Variants in SH2D4B observed in about 807,000 individuals in gnomAD.
SH2D4B encodes the protein SH2 domain-containing protein 4B.
A neutral mutation model predicts 61.5 loss-of-function variants in SH2D4B; 45 were observed. That is an observed-to-expected ratio of 0.73 (90% CI 0.58 to 0.94). The LOEUF is 0.94. Ranked by LOEUF, SH2D4B falls within the 40% of genes least tolerant of loss-of-function variation. The probability of loss-of-function intolerance (pLI) is 0.00; values close to 1 mark genes in which losing one functional copy is unlikely to be tolerated. For missense variants in SH2D4B, 572 were observed against 574.2 expected (o/e 1.00, Z 0.04); for synonymous variants, 224 against 220.4 (o/e 1.02, Z -0.14).
chr10:80,555,157 G>A (rs552428714), intron 1 of SH2D4B, among the ~76,000 whole-genome samples: 1 of 152,240 alleles, frequency 6.6e-6, no homozygotes, highest in Non-Finnish European at 1.5e-5. Context: ...TGTGTGCAGT[G>A]TGCTTCCGCT....
intron 3 of SH2D4B, among the ~76,000 whole-genome samples, chr10:80,579,288 G>A (rs61105864): frequency 0.057 from 8,622 of 152,180 alleles, 612 homozygotes; most frequent in East Asian, 0.32. Context: ...TTTATATTGG[G>A]TTACAGAGGG....
chr10:80,637,282 G>A (rs1840199201), intron 7 of SH2D4B, among the ~76,000 whole-genome samples: 2 of 152,096 alleles, frequency 1.3e-5, no homozygotes, highest in Admixed American at 1.3e-4. Flanking sequence ...CTCTTTTTTG[G>A]TTCCATATGA....
At chr10:80,546,770 G>A (rs572879721) in intron 1 of SH2D4B, among the ~76,000 whole-genome samples, 5 of 150,958 alleles carry the variant, frequency 3.3e-5, no homozygotes, top group East Asian at 2.0e-4. Context: ...CTCATGATCC[G>A]TCCGCCTCGG....
chr10:80,556,275 A>G (rs912149028), intron 1 of SH2D4B, among the ~76,000 whole-genome samples: 2 of 152,130 alleles, frequency 1.3e-5, no homozygotes, highest in Non-Finnish European at 2.9e-5. Context: ...TCTCCATACT[A>G]TTTCATTGAT....
At chr10:80,548,548 T>G (rs933300730) in intron 1 of SH2D4B, among the ~76,000 whole-genome samples, 2 of 152,202 alleles carry the variant, frequency 1.3e-5, no homozygotes, top group African/African-American at 2.4e-5. Flanking sequence ...CTCAATTTCA[T>G]CCTGATTCCA....
rs529294648 is a variant in SH2D4B, at chr10:80,587,142, T to G, written c.496-1488T>G. Among the ~76,000 whole-genome samples, 14 of 53,612 alleles carry G rather than the reference T, an allele frequency of 2.6e-4. 1 individual carries two copies. Among genetic ancestry groups the G allele is most frequent in the South Asian group, 9.6e-4 (2 of 2,078 alleles). The allele number at this position is 53,612 out of a possible 152,430, so 35.2% of individuals were successfully genotyped here. A position where few individuals can be genotyped will look rare whatever the true frequency, so the allele number is the denominator to read the frequency against. Reference sequence around the variant, plus strand: ...CAATTCCGGCCACGTTTTTTTTTTTTTTTGTTTTGTTTTTTTTTTTTTTTT... The same window carrying G: ...CAATTCCGGCCACGTTTTTTTTTTTGTTTGTTTTGTTTTTTTTTTTTTTTT... On this transcript the variant is annotated intron_variant, in intron 3 of 7. Coordinates refer to ENST00000646907, the MANE Select transcript of SH2D4B (RefSeq NM_001388272.1).
At chr10:80,603,493 A>T in intron 4 of SH2D4B, 86 bp from the exon 5 acceptor site, 1 of 1,293,242 alleles carries the variant, frequency 7.7e-7, no homozygotes, top group Non-Finnish European at 1.0e-6. Flanking sequence ...TTACTTTTGC[A>T]CCAACCAAAT....
At position 80,538,440 on chromosome 10, in the gene SH2D4B, AG is replaced by A; in HGVS notation, c.111del (p.Arg37SerfsTer36). The A allele has an allele frequency of 6.7e-7, 1 of 1,498,504 alleles. No homozygotes were observed. The highest frequency in any genetic ancestry group is 1.4e-5 in the African/African-American group (1 of 71,596). 92.8% of individuals were successfully genotyped at this position (1,498,504 alleles called of 1,614,324 possible). On this transcript the variant is annotated frameshift_variant, in exon 1 of 8. Coordinates refer to ENST00000646907, the MANE Select transcript of SH2D4B (RefSeq NM_001388272.1). LOFTEE classifies it high-confidence loss of function. This position sits in a 1 kb window ranked among gnomAD's most constrained non-coding sequence, Gnocchi z 4.8. The part of the protein sequence containing the change: ...LFYKMREEQL[R>X]RWKERETWEA... ...CTACAAAATGCGGGAGGAGCAGCTG[AG>A]GCGCTGGAAGGAGCGGGAGACTTGG...
Position 80,609,303 on chromosome 10 carries a change from C to A in SH2D4B, c.861-121C>A, listed in dbSNP as rs868426152. 5.0e-6 allele frequency: 5 copies of A among 992,308 alleles called. No homozygotes were observed. The South Asian group carries it at 5.1e-5, about 10-fold the overall frequency. The allele number at this position is 992,308 out of a possible 1,614,324, so 61.5% of individuals were successfully genotyped here. On this transcript the variant is annotated intron_variant, in intron 5 of 7. Transcript: ENST00000646907. ...CCTCCCCTGCCCCTTCTTCCACCCC[C>A]CCTTCCTCCTCCTCCTTTTACCTTC...
chr10:80,591,524 T>TTTTTTTA (rs1842326673), intron 4 of SH2D4B, among the ~76,000 whole-genome samples: 1 of 149,482 alleles, frequency 6.7e-6, no homozygotes, highest in African/African-American at 2.5e-5. Flanking sequence ...TTTTTTTTTT[T>TTTTTTTA]GAGTCGGAGT....
intron 1 of SH2D4B, among the ~76,000 whole-genome samples, chr10:80,569,716 G>C (rs553421897): frequency 5.3e-5 from 8 of 151,986 alleles, no homozygotes; most frequent in African/African-American, 1.7e-4. Flanking sequence ...TTTGGGGAGG[G>C]GCTATTATCA....
At position 80,538,554 on chromosome 10, in the gene SH2D4B, C is replaced by T. The variant is rs116643161; in HGVS notation, c.184+39C>T. ...AGTCACAGAGAGGTAGGCCACCAGT[C>T]CCCCAGGAGGTAGAAAAATTAGCAG... On this transcript the variant is annotated intron_variant, in intron 1 of 7. Transcript: ENST00000646907. This position sits in a 1 kb window ranked among gnomAD's most constrained non-coding sequence, Gnocchi z 4.8. 479 of 1,317,596 alleles carry T rather than the reference C, an allele frequency of 3.6e-4. 2 individuals are homozygous for T. In the African/African-American group the frequency reaches 6.8e-3, roughly 19 times the overall value. The allele number at this position is 1,317,596 out of a possible 1,614,324, so 81.6% of individuals were successfully genotyped here.
chr10:80,563,824 G>A (rs921861099), intron 1 of SH2D4B, among the ~76,000 whole-genome samples: 1 of 152,078 alleles, frequency 6.6e-6, no homozygotes, highest in Non-Finnish European at 1.5e-5. Flanking sequence ...TCTCCCACAA[G>A]GCATATAGGT....
rs751404834 is a variant in SH2D4B, at chr10:80,588,693, G to A, written c.559G>A (p.Ala187Thr). 3.1e-6 allele frequency: 5 copies of A among 1,614,102 alleles called. No homozygotes were observed. Among genetic ancestry groups the A allele is most frequent in the Non-Finnish European group, 4.2e-6 (5 of 1,180,044 alleles). Residue 187 changes from alanine (A) to threonine (T), a missense_variant, in exon 4 of 8, where the codon GCG (alanine) becomes ACG (threonine). Physicochemically the swap from Ala to Thr is moderately conservative, Grantham distance 58. Transcript: ENST00000646907. ...GATTCGCCTCCAGGAAGAGCAGAGG[G>A]CGAAGGAGCTCTACTGGACCCTGAA... ...EQIRLQEEQRAKELYWTLKQA... is the reference protein window; with the variant it reads ...EQIRLQEEQRTKELYWTLKQA...
intron 4 of SH2D4B, 48 bp downstream of exon 4, chr10:80,588,825 AC>A (rs1364692716): frequency 3.7e-6 from 6 of 1,605,880 alleles, no homozygotes; most frequent in Non-Finnish European, 5.1e-6. Context: ...CCGCCTCCCC[AC>A]CCACCTCCTC....
chr10:80,609,669 C>A, intron 6 of SH2D4B, 118 bp downstream of exon 6: 1 of 1,487,972 alleles, frequency 6.7e-7, no homozygotes, highest in South Asian at 1.3e-5. Flanking sequence ...TTTAAGCAAT[C>A]TCCATTCTGT....
intron 1 of SH2D4B, among the ~76,000 whole-genome samples, chr10:80,558,489 T>C (rs1841866449): frequency 6.6e-6 from 1 of 152,184 alleles, no homozygotes; most frequent in African/African-American, 2.4e-5. Flanking sequence ...TATTTATTTA[T>C]TTATTTATTG....
rs369903803 is a variant in SH2D4B, at chr10:80,625,793, C to CA, written c.989-8490dup. 2.9e-3 allele frequency among the ~76,000 whole-genome samples: 445 copies of CA among 151,962 alleles called. 4 individuals are homozygous for CA. Among genetic ancestry groups the CA allele is most frequent in the Non-Finnish European group, 8.8e-4 (60 of 67,966 alleles). On this transcript the variant is annotated intron_variant, in intron 6 of 7. Transcript: ENST00000646907. ...TTCACCATGTTGGCCAGGCTGGTCT[C>CA]AATCTCCTGACCTCAAGTGATCTGC...
chr10:80,574,139 T>C (rs908575621), intron 3 of SH2D4B, among the ~76,000 whole-genome samples: 1 of 152,194 alleles, frequency 6.6e-6, no homozygotes, highest in Non-Finnish European at 1.5e-5. Flanking sequence ...TCCACATTTG[T>C]TTTTTCTTTT....
Sources: allele counts gnomAD v4.1 joint callset (sites outside exome capture counted in the v4.1 genomes callset), GRCh38; gene constraint gnomAD v4.1.1; non-coding constraint Gnocchi (gnomAD v3.1); transcripts MANE v1.5; gene names NCBI Gene and HGNC (gene_info 2026-07-23, HGNC 2026-07-21).